ZNF320: variants seen among roughly 807,000 people sequenced by gnomAD.
ZNF320 encodes the protein zinc finger protein 320.
In ZNF320, 2 loss-of-function variants were observed where a neutral mutation model predicts 6.8. That is an observed-to-expected ratio of 0.29 (90% CI 0.12 to 0.93). The LOEUF (loss-of-function observed/expected upper bound fraction) is 0.93. ZNF320 is among the 40% of genes least tolerant of loss of function. The probability of loss-of-function intolerance (pLI) is 0.55; values close to 1 mark genes in which losing one functional copy is unlikely to be tolerated. For missense variants in ZNF320, 472 were observed against 611.0 expected (o/e 0.77, Z 2.40); for synonymous variants, 208 against 203.2 (o/e 1.02, Z -0.20).
intron 5 of ZNF320, among the ~76,000 whole-genome samples, chr19:52,870,939 T>C (rs555211756): frequency 6.6e-6 from 1 of 151,350 alleles, no homozygotes; most frequent in African/African-American, 2.4e-5. Context: ...AAGGTCAGGA[T>C]TTCCCGACCA....
At chr19:52,898,706 T>C (rs11670402), upstream of ZNF320, among the ~76,000 whole-genome samples, 1 of 152,162 alleles carries the variant, frequency 6.6e-6, no homozygotes, top group Non-Finnish European at 1.5e-5. Context: ...CGTGATTGAT[T>C]TGAGCGAGCA....
downstream of ZNF320, among the ~76,000 whole-genome samples, chr19:52,859,999 G>A (rs151125163): frequency 5.2e-3 from 785 of 149,782 alleles, 8 homozygotes; most frequent in African/African-American, 0.016. Flanking sequence ...TGCAAGCTCC[G>A]CCTCCCGGGT....
chr19:52,900,582 G>A (rs58314409), upstream of ZNF320, among the ~76,000 whole-genome samples: 2,561 of 152,218 alleles, frequency 0.017, 80 homozygotes, highest in African/African-American at 0.058. Context: ...GGAATCTTAG[G>A]TACTGGCACA....
At chr19:52,865,295 C>A in intron 5 of ZNF320, 1 of 242,874 alleles carries the variant, frequency 4.1e-6, no homozygotes, top group Non-Finnish European at 8.0e-6. Flanking sequence ...GGACTCCAGA[C>A]TGGGTGAGAA....
upstream of ZNF320, among the ~76,000 whole-genome samples, chr19:52,898,826 G>T (rs1229154328): frequency 6.6e-6 from 1 of 152,216 alleles, no homozygotes. Flanking sequence ...GAATAACATT[G>T]GGTTCTAAGC....
At chr19:52,868,411 C>A (rs535782605) in intron 5 of ZNF320, among the ~76,000 whole-genome samples, 17 of 151,560 alleles carry the variant, frequency 1.1e-4, no homozygotes, top group Admixed American at 1.1e-3. Flanking sequence ...GAGCCTCAGG[C>A]AGGAGAATCG....
the ZNF320 span, among the ~76,000 whole-genome samples, chr19:52,903,128 A>G: frequency 6.6e-6 from 1 of 152,212 alleles, no homozygotes; most frequent in Non-Finnish European, 1.5e-5. Context: ...CTTTTAAATT[A>G]TACATTTTTT....
chr19:52,889,978 T>C (rs1031888431), intron 4 of ZNF320, among the ~76,000 whole-genome samples: 8 of 152,130 alleles, frequency 5.3e-5, no homozygotes, highest in African/African-American at 1.7e-4. Flanking sequence ...ACTGACACCA[T>C]GGGACCCTCA....
At chr19:52,860,230 G>A (rs1490625204), downstream of ZNF320, among the ~76,000 whole-genome samples, 2 of 151,954 alleles carry the variant, frequency 1.3e-5, no homozygotes, top group Admixed American at 1.3e-4. Flanking sequence ...TTACATAGGC[G>A]CCTAGGTAAA....
chr19:52,885,877 C>T lies in ZNF320; in HGVS notation c.142+2250G>A, dbSNP rs1453195048. Among the ~76,000 whole-genome samples, 4 of 152,058 alleles carry T rather than the reference C, an allele frequency of 2.6e-5. No homozygotes were observed. In the East Asian group the frequency reaches 5.8e-4, roughly 22 times the overall value. ...CAAGATTGCAGCACTGCACTTCAGC[C>T]TGGGTGACAAGAGCAAAACTCTGTC... On this transcript the variant is annotated intron_variant, in intron 5 of 5. Transcript: ENST00000682928.
chr19:52,880,688 G>C lies in ZNF320; in HGVS notation c.1438C>G (p.Leu480Val), dbSNP rs2063887392. 3.1e-6 allele frequency: 5 copies of C among 1,613,780 alleles called. No homozygotes were observed. Among genetic ancestry groups the C allele is most frequent in the Non-Finnish European group, 4.2e-6 (5 of 1,179,856 alleles). ...TGATGTTCTGCAAGGAGTGACCTCA[G>C]ACTAAAGACCTTGCCACACTGATGA... ...KCHQCGKVFS[L>V]RSLLAEHQKI... The change falls in exon 6 of 6, where the codon CTG becomes GTG. Residue 480 changes from leucine (L) to valine (V), a missense_variant. By Grantham distance (32) the Leu-to-Val change is conservative. Around this residue, in one of 2 missense-constraint regions of ZNF320, gnomAD observed 462 missense variants for 559.7 expected, o/e 0.83. Coordinates refer to ENST00000682928, the MANE Select transcript of ZNF320 (RefSeq NM_001351774.2).
intron 5 of ZNF320, among the ~76,000 whole-genome samples, chr19:52,866,117 TATATATGTATGA>T: frequency 1.5e-5 from 1 of 67,946 alleles, no homozygotes; most frequent in South Asian, 4.1e-4. Context: ...TACATATATT[TATATATGTATGA>T]TTATACATAT....
At chr19:52,889,925 G>A (rs2064233290) in intron 4 of ZNF320, among the ~76,000 whole-genome samples, 1 of 152,156 alleles carries the variant, frequency 6.6e-6, no homozygotes, top group African/African-American at 2.4e-5. Flanking sequence ...AGCTGACAGA[G>A]CATCCAGATG....
exon 6 of ZNF320, among the ~76,000 whole-genome samples, chr19:52,863,551 C>T (rs1006223024): frequency 2.0e-5 from 3 of 150,062 alleles, no homozygotes; most frequent in Non-Finnish European, 1.5e-5. Context: ...TGCAGTGAGC[C>T]GAGATGGTGC....
upstream of ZNF320, among the ~76,000 whole-genome samples, chr19:52,898,836 C>A (rs1360081135): frequency 1.3e-5 from 2 of 152,196 alleles, no homozygotes; most frequent in Non-Finnish European, 2.9e-5. Flanking sequence ...GGGTTCTAAG[C>A]CATAAGTTGA....
At chr19:52,867,861 C>T (rs894826043) in intron 5 of ZNF320, among the ~76,000 whole-genome samples, 1 of 152,158 alleles carries the variant, frequency 6.6e-6, no homozygotes, top group African/African-American at 2.4e-5. Flanking sequence ...ATCTGCCCGT[C>T]TCGGCCGCCC....
chr19:52,864,445 T>C (rs2063509634), intron 5 of ZNF320, among the ~76,000 whole-genome samples: 1 of 152,198 alleles, frequency 6.6e-6, no homozygotes, highest in Non-Finnish European at 1.5e-5. Context: ...ATATTCATTA[T>C]CTGGATGAGC....
rs532085166 is a variant in ZNF320 at position 52,880,292 on chromosome 19, G to C, written c.*304C>G. On this transcript the variant is annotated 3_prime_UTR_variant, in exon 6 of 6. Transcript: ENST00000682928. ...GAACCTGGGAGGTGAATGTTGCAGT[G>C]AACCGAGATCACATCACTGCACTCC... 3 of 229,666 alleles carry C rather than the reference G, an allele frequency of 1.3e-5. No individual in the cohort carries two copies. The East Asian group carries it at 2.9e-4, about 22-fold the overall frequency. 14.2% of individuals were successfully genotyped at this position (229,666 alleles called of 1,614,324 possible).
At chr19:52,859,586 A>G (rs567350413), downstream of ZNF320, among the ~76,000 whole-genome samples, 1 of 152,206 alleles carries the variant, frequency 6.6e-6, no homozygotes, top group Non-Finnish European at 1.5e-5. Flanking sequence ...TCCCATGTAG[A>G]GATGTTAAGG....
Sources: gnomAD v4.1 joint callset for allele counts (sites outside exome capture counted in the v4.1 genomes callset) on GRCh38, gnomAD v4.1.1 for gene constraint, gnomAD v4.1.1 regional missense constraint, MANE v1.5 for transcripts, NCBI Gene and HGNC (gene_info 2026-07-23, HGNC 2026-07-21) for gene names.